The following DNAJC13 variants were observed in gnomAD, a reference collection of about 807,000 sequenced individuals.
DNAJC13 encodes dnaJ homolog subfamily C member 13.
DNAJC13 carries 75 observed loss-of-function variants against 290.5 expected under a neutral mutation model. The ratio of observed to expected loss-of-function variants is 0.26; its 90% CI spans 0.21 to 0.31. The LOEUF (loss-of-function observed/expected upper bound fraction) is 0.31. DNAJC13 is among the 10% of genes least tolerant of loss of function. DNAJC13 has a pLI of 1.00. For missense variants in DNAJC13, 2,260 were observed against 2,674.5 expected, an observed-to-expected ratio of 0.85 and a Z score of 3.42; for synonymous variants, 862 against 892.0, an observed-to-expected ratio of 0.97 and a Z score of 0.60.
rs1216782800 is a variant in DNAJC13, at chr3:132,502,329, G to C, written c.4577G>C (p.Ser1526Thr). Residue 1526 changes from serine to threonine, a missense_variant, in exon 40 of 56, where the codon AGT (serine) becomes ACT (threonine). Ser to Thr is a moderately conservative substitution (Grantham distance 58). Transcript: ENST00000260818. Reference protein sequence around the residue: ...RVAALGVECVSSFAVDFWLQT... With the variant: ...RVAALGVECVTSFAVDFWLQT... ...GCTGCTCTTGGGGTAGAATGTGTCAGTTCTTTTGCTGTGGATTTCTGGCTA... is the reference window on the plus strand; with the variant it reads ...GCTGCTCTTGGGGTAGAATGTGTCACTTCTTTTGCTGTGGATTTCTGGCTA... The C allele has an allele frequency of 6.2e-6, 10 of 1,612,952 alleles. No individual in the cohort carries two copies. The East Asian group carries it at 2.2e-4, about 36-fold the overall frequency.
rs1935479958 is a variant in DNAJC13, at chr3:132,503,304, C to T, written c.4807C>T (p.Pro1603Ser). Reference protein sequence around the residue: ...LAEEQATPENPTIRKSLAGML... With the variant: ...LAEEQATPENSTIRKSLAGML... The stretch of plus-strand genomic sequence containing the variant: ...TGAAGAACAAGCAACTCCAGAAAAT[C>T]CAACCATAAGGAAAAGCTTAGCTGG... The change falls in exon 41 of 56, where the codon CCA (proline) becomes TCA (serine). Residue 1603 changes from proline to serine, a missense_variant. By Grantham distance (74) the Pro-to-Ser change is moderately conservative (BLOSUM62 -1). Transcript: ENST00000260818. 2 of 1,613,960 alleles carry T rather than the reference C, an allele frequency of 1.2e-6. No individual in the cohort carries two copies. The highest frequency in any genetic ancestry group is 1.3e-5 in the African/African-American group (1 of 74,910).
chr3:132,532,655 C>G lies in DNAJC13; in HGVS notation c.6625+1558C>G, dbSNP rs566733190. Reference sequence around the variant, plus strand: ...CCTCTTTAGCCTATGTCCAAAAGTTCACATACCACGTTTTCATGGCATTAC... The same window carrying G: ...CCTCTTTAGCCTATGTCCAAAAGTTGACATACCACGTTTTCATGGCATTAC... On this transcript the variant is annotated intron_variant, in intron 55 of 55. Transcript: ENST00000260818. 3.9e-5 allele frequency among the ~76,000 whole-genome samples: 6 copies of G among 152,034 alleles called. No homozygotes were observed. The South Asian group carries it at 1.2e-3, about 32-fold the overall frequency.
At chr3:132,514,369 G>A (rs1394432521) in intron 45 of DNAJC13, among the ~76,000 whole-genome samples, 2 of 152,052 alleles carry the variant, frequency 1.3e-5, no homozygotes, top group Non-Finnish European at 1.5e-5. Context: ...TATGGGTATA[G>A]GATTGAAGGC....
At chr3:132,438,967 G>C (rs1335659883) in intron 2 of DNAJC13, among the ~76,000 whole-genome samples, 1 of 152,194 alleles carries the variant, frequency 6.6e-6, no homozygotes, top group East Asian at 1.9e-4. Context: ...ATTTCAGAGA[G>C]GAAGGAAAGT....
At chr3:132,469,960 ATTCT>A (rs1934132475) in intron 20 of DNAJC13, among the ~76,000 whole-genome samples, 3 of 29,266 alleles carry the variant, frequency 1.0e-4, no homozygotes, top group African/African-American at 3.5e-4. Flanking sequence ...TGGAGCAGAG[ATTCT>A]TTTTTTTTTT....
chr3:132,533,018 C>G (rs1329161191), intron 55 of DNAJC13, among the ~76,000 whole-genome samples: 1 of 146,992 alleles, frequency 6.8e-6, no homozygotes, highest in South Asian at 2.1e-4. Flanking sequence ...CTCGGCCTCC[C>G]AAAGTGCTGG....
intron 20 of DNAJC13, among the ~76,000 whole-genome samples, chr3:132,467,789 TA>T (rs1215991904): frequency 6.6e-6 from 1 of 152,180 alleles, no homozygotes; most frequent in Non-Finnish European, 1.5e-5. Flanking sequence ...TTCTAATTCA[TA>T]TTTTTGTATA....
intron 15 of DNAJC13, 94 bp downstream of exon 15, chr3:132,461,299 T>A: frequency 7.2e-7 from 1 of 1,383,290 alleles, no homozygotes; most frequent in Non-Finnish European, 1.0e-6. Context: ...CATACTTCTA[T>A]AGCAGAGGTG....
chr3:132,489,572 G>A (rs1935000038), intron 31 of DNAJC13, among the ~76,000 whole-genome samples: 1 of 151,770 alleles, frequency 6.6e-6, no homozygotes, highest in Non-Finnish European at 1.5e-5. Context: ...TTGTTAAAAT[G>A]AAACTGAAGG....
At chr3:132,463,893 A>G (rs768411629) in intron 17 of DNAJC13, 76 bp downstream of exon 17, 13 of 1,451,822 alleles carry the variant, frequency 9.0e-6, no homozygotes, top group Admixed American at 4.0e-5. Flanking sequence ...ATAAAACTAA[A>G]TGTGTTTGTA....
chr3:132,454,110 C>A lies in DNAJC13; in HGVS notation c.885C>A (p.Thr295=). The A allele has an allele frequency of 6.2e-7, 1 of 1,606,442 alleles. No homozygotes were observed. Among genetic ancestry groups the A allele is most frequent in the South Asian group, 1.1e-5 (1 of 88,954 alleles). The change falls in exon 9 of 56, where the codon ACC becomes ACA. Residue 295 remains threonine (T), a synonymous_variant. Transcript: ENST00000260818. ...VCDSENPQLF[T]IEFIKGQVRK... ...ACTCAGAAAATCCACAACTTTTTAC[C>A]ATTGAATTTATAAAAGGGCAAGTAC...
intron 14 of DNAJC13, 147 bp from the exon 15 acceptor site, chr3:132,460,903 C>A: frequency 1.4e-6 from 1 of 701,016 alleles, no homozygotes; most frequent in Non-Finnish European, 2.3e-6. Context: ...ACTAAAGAGT[C>A]ATCCAACTTT....
chr3:132,449,571 C>T (rs923474656), intron 5 of DNAJC13, among the ~76,000 whole-genome samples: 1 of 151,984 alleles, frequency 6.6e-6, no homozygotes, highest in African/African-American at 2.4e-5. Context: ...TGTGTGTGTT[C>T]GATGCATAGA....
intron 43 of DNAJC13, among the ~76,000 whole-genome samples, chr3:132,510,145 G>A (rs895147438): frequency 6.6e-6 from 1 of 152,104 alleles, no homozygotes; most frequent in Admixed American, 6.6e-5. Flanking sequence ...TAACTCACTA[G>A]TCCTTCATGG....
At chr3:132,421,049 A>G (rs999802298) in intron 1 of DNAJC13, among the ~76,000 whole-genome samples, 6 of 152,266 alleles carry the variant, frequency 3.9e-5, no homozygotes, top group African/African-American at 1.4e-4. Context: ...TGAGCAAACA[A>G]TGCAGTGAGC....
chr3:132,525,369 T>C (rs1045043316), intron 51 of DNAJC13, among the ~76,000 whole-genome samples: 1 of 152,158 alleles, frequency 6.6e-6, no homozygotes, highest in Non-Finnish European at 1.5e-5. Flanking sequence ...AAATTGGGTA[T>C]ACCTAACCGA....
At chr3:132,523,430 T>G (rs1268180000) in intron 50 of DNAJC13, 110 bp from the exon 51 acceptor site, 6 of 1,316,766 alleles carry the variant, frequency 4.6e-6, no homozygotes, top group Middle Eastern at 2.2e-4. Flanking sequence ...TTGATTATAT[T>G]ATGGCTGTTT....
At chr3:132,506,541 CTTTTTTT>C (rs34151394) in intron 42 of DNAJC13, among the ~76,000 whole-genome samples, 4 of 54,754 alleles carry the variant, frequency 7.3e-5, no homozygotes, top group East Asian at 9.1e-4. Flanking sequence ...CAGTGTATTA[CTTTTTTT>C]TTTTTTTTTT....
chr3:132,465,352 T>C (rs973614285), intron 17 of DNAJC13, among the ~76,000 whole-genome samples: 4 of 141,250 alleles, frequency 2.8e-5, no homozygotes, highest in Admixed American at 2.0e-4. Context: ...TTTCTACTTA[T>C]GAGGAGCTTT....
Sources: allele counts gnomAD v4.1 joint callset (sites outside exome capture counted in the v4.1 genomes callset), GRCh38; gene constraint gnomAD v4.1.1; transcripts MANE v1.5; gene names NCBI Gene and HGNC (gene_info 2026-07-23, HGNC 2026-07-21).